ZSCAN5A: variants seen among roughly 807,000 people sequenced by gnomAD.
ZSCAN5A encodes zinc finger and SCAN domain-containing protein 5A.
In ZSCAN5A, 12 loss-of-function variants were observed where a neutral mutation model predicts 23.7. That is an observed-to-expected ratio of 0.51 (90% CI 0.32 to 0.82). The LOEUF is 0.82. Ranked by LOEUF, ZSCAN5A falls within the 40% of genes least tolerant of loss-of-function variation. The pLI, the probability that ZSCAN5A is intolerant of heterozygous loss-of-function variation, is 0.03. For missense variants in ZSCAN5A, 597 were observed against 617.9 expected, an observed-to-expected ratio of 0.97 and a Z score of 0.36; for synonymous variants, 257 against 239.9, an observed-to-expected ratio of 1.07 and a Z score of -0.66.
At chr19:56,265,731 ACT>A (rs962304635) in intron 2 of ZSCAN5A, among the ~76,000 whole-genome samples, 106 of 151,944 alleles carry the variant, frequency 7.0e-4, no homozygotes, top group African/African-American at 2.5e-3. Context: ...GCCACTCAAC[ACT>A]CTCACCTGAA....
chr19:56,353,484 T>C (rs59844254), intron 2 of ZSCAN5A, among the ~76,000 whole-genome samples: 33,707 of 151,926 alleles, frequency 0.22, 4,542 homozygotes, highest in African/African-American at 0.38. Flanking sequence ...TAAAATGATA[T>C]TGAGGCCGGG....
In ZSCAN5A at chr19:56,235,077, T is replaced by C. The variant is rs1378725710; in HGVS notation, c.-127-9904A>G. ...CCTCTGATTGACCGTGGGCCAAGCCTCCACTCCAACCTCTGATGGACGGTG... is the reference window on the plus strand; with the variant it reads ...CCTCTGATTGACCGTGGGCCAAGCCCCCACTCCAACCTCTGATGGACGGTG... On this transcript the variant is annotated intron_variant, in intron 2 of 5. Coordinates refer to ENST00000683990, the MANE Select transcript of ZSCAN5A (RefSeq NM_001322064.3). Among the ~76,000 whole-genome samples, 2 of 133,040 alleles carry C rather than the reference T, an allele frequency of 1.5e-5. 1 individual carries two copies. The highest frequency in any genetic ancestry group is 3.3e-5 in the Non-Finnish European group (2 of 60,686). 87.3% of individuals were successfully genotyped at this position (133,040 alleles called of 152,430 possible).
chr19:56,320,186 T>A, intron 2 of ZSCAN5A: 1 of 680,780 alleles, frequency 1.5e-6, no homozygotes, highest in South Asian at 1.4e-5. Flanking sequence ...TTTCAAGTTG[T>A]TCCTGTTTCT....
intron 2 of ZSCAN5A, among the ~76,000 whole-genome samples, chr19:56,362,171 A>T (rs968280796): frequency 9.2e-5 from 14 of 152,060 alleles, no homozygotes; most frequent in Non-Finnish European, 1.8e-4. Flanking sequence ...AAAAAAAAAA[A>T]AAAAATTAAA....
At chr19:56,336,169 T>A (rs973958139) in intron 2 of ZSCAN5A, among the ~76,000 whole-genome samples, 4 of 152,226 alleles carry the variant, frequency 2.6e-5, no homozygotes, top group Non-Finnish European at 4.4e-5. Context: ...GATAATATCC[T>A]GCAGAGTGTT....
At chr19:56,320,858 T>G in intron 2 of ZSCAN5A, 1 of 773,444 alleles carries the variant, frequency 1.3e-6, no homozygotes, top group South Asian at 1.3e-5. Context: ...AAGTCCATAA[T>G]CCTGGACAAG....
chr19:56,239,846 G>A (rs866141203), intron 2 of ZSCAN5A, among the ~76,000 whole-genome samples: 16 of 152,044 alleles, frequency 1.1e-4, no homozygotes, highest in South Asian at 2.1e-4. Context: ...TGTGTGGCGC[G>A]AGGGGACCCA....
intron 2 of ZSCAN5A, chr19:56,304,771 C>T: frequency 1.0e-6 from 1 of 985,164 alleles, no homozygotes; most frequent in Non-Finnish European, 1.2e-6. Context: ...TCTCTGTTCC[C>T]AGTTCACTTT....
chr19:56,256,594 T>C (rs2036710862), intron 2 of ZSCAN5A, among the ~76,000 whole-genome samples: 1 of 152,232 alleles, frequency 6.6e-6, no homozygotes. Flanking sequence ...TATACACATA[T>C]CCACAGACAC....
Position 56,222,195 on chromosome 19 carries a change from C to T in ZSCAN5A, c.871G>A (p.Ala291Thr), listed in dbSNP as rs142635871. ...ASTHSGNRGD[A>T]LNLSSPKRSK... ...CTTTTGGGACTGCTCAGATTCAGAG[C>T]GTCTCCTCTGTTCCCGCTGTGAGTC... Residue 291 changes from alanine (A) to threonine (T), a missense_variant, in exon 6 of 6, where the codon GCT (alanine) becomes ACT (threonine). Coordinates refer to ENST00000683990, the MANE Select transcript of ZSCAN5A (RefSeq NM_001322064.3). 1.2e-4 allele frequency: 189 copies of T among 1,613,966 alleles called. No individual in the cohort carries two copies. The highest frequency in any genetic ancestry group is 1.5e-4 in the Non-Finnish European group (175 of 1,179,952).
chr19:56,273,982 C>T lies in ZSCAN5A; in HGVS notation c.-128+39301G>A, dbSNP rs571764631. On this transcript the variant is annotated intron_variant, in intron 2 of 5. Coordinates refer to ENST00000683990, the MANE Select transcript of ZSCAN5A (RefSeq NM_001322064.3). ...CACACAAGTTAGAAAACGTTTTGGT[C>T]ATCAGGGTGAAGATGGGGATAAGTA... 5.9e-5 allele frequency among the ~76,000 whole-genome samples: 9 copies of T among 152,118 alleles called. No homozygotes were observed. The South Asian group carries it at 1.9e-3, about 32-fold the overall frequency.
chr19:56,319,498 G>GAAAAAAAAA (rs57164685), upstream of ZSCAN5A, among the ~76,000 whole-genome samples: 3,627 of 77,770 alleles, frequency 0.047, 169 homozygotes, highest in Non-Finnish European at 0.058. Context: ...TCCATCTCGG[G>GAAAAAAAAA]AAAAAAAAAA....
At chr19:56,227,300 T>G (rs985216021) in intron 2 of ZSCAN5A, among the ~76,000 whole-genome samples, 1 of 152,238 alleles carries the variant, frequency 6.6e-6, no homozygotes, top group African/African-American at 2.4e-5. Context: ...ATACAATTTT[T>G]AGTTTTCAAT....
intron 1 of ZSCAN5A, among the ~76,000 whole-genome samples, chr19:56,364,752 C>T (rs73937250): frequency 0.019 from 2,860 of 152,240 alleles, 95 homozygotes; most frequent in African/African-American, 0.064. Flanking sequence ...GAACTGTTGA[C>T]GTATACCCTA....
intron 2 of ZSCAN5A, chr19:56,347,327 C>T (rs541120793): frequency 6.6e-6 from 1 of 152,284 alleles, no homozygotes; most frequent in African/African-American, 2.4e-5. Flanking sequence ...AGGCGCGGGG[C>T]TTTGGGTGTT....
At chr19:56,339,323 T>G (rs8100966) in intron 2 of ZSCAN5A, among the ~76,000 whole-genome samples, 3 of 119,212 alleles carry the variant, frequency 2.5e-5, no homozygotes, top group African/African-American at 1.0e-4. Flanking sequence ...TAGCAATATG[T>G]GAAGGAGCGG....
intron 2 of ZSCAN5A, among the ~76,000 whole-genome samples, chr19:56,254,532 C>T (rs1444842328): frequency 1.3e-5 from 2 of 152,146 alleles, no homozygotes; most frequent in East Asian, 3.8e-4. Context: ...GCTCCTACTT[C>T]TGAGCTATTG....
At chr19:56,286,539 G>A (rs1443560473) in intron 2 of ZSCAN5A, 1 of 152,112 alleles carries the variant, frequency 6.6e-6, no homozygotes, top group African/African-American at 2.4e-5. Context: ...CTCATAAGGA[G>A]GAGACAACTG....
At chr19:56,315,146 T>C (rs1049298513), upstream of ZSCAN5A, 2 of 152,184 alleles carry the variant, frequency 1.3e-5, no homozygotes, top group African/African-American at 2.4e-5. Context: ...CCCTGTAGTT[T>C]AGGGTTGTTT....
Sources: allele counts gnomAD v4.1 joint callset (sites outside exome capture counted in the v4.1 genomes callset), GRCh38; gene constraint gnomAD v4.1.1; transcripts MANE v1.5; gene names NCBI Gene and HGNC (gene_info 2026-07-23, HGNC 2026-07-21).